Variants in HOGA1 observed in about 807,000 individuals in gnomAD.
HOGA1 encodes 4-hydroxy-2-oxoglutarate aldolase, mitochondrial.
In HOGA1, 30 loss-of-function variants were observed where a neutral mutation model predicts 34.3. The observed-to-expected ratio is 0.87, with a 90% CI of 0.65 to 1.19. HOGA1 has a LOEUF of 1.19. HOGA1 is among the 50% of genes most tolerant of loss of function. The probability of loss-of-function intolerance (pLI) is 0.00; values close to 1 mark genes in which losing one functional copy is unlikely to be tolerated. For missense variants in HOGA1, 417 were observed against 436.5 expected, an observed-to-expected ratio of 0.96 and a Z score of 0.40; for synonymous variants, 161 against 174.0, an observed-to-expected ratio of 0.93 and a Z score of 0.59.
At position 97,584,418 on chromosome 10, in the gene HOGA1, C is replaced by A. The variant is rs747571303; in HGVS notation, c.-286C>A. The A allele has an allele frequency of 2.6e-6, 1 of 386,962 alleles. No homozygotes were observed. 24.0% of individuals were successfully genotyped at this position (386,962 alleles called of 1,614,324 possible). A position where few individuals can be genotyped will look rare whatever the true frequency, so the allele number is the denominator to read the frequency against. On this transcript the variant is annotated 5_prime_UTR_variant, in exon 1 of 7. Transcript: ENST00000370646. Reference sequence around the variant, plus strand: ...CCCACTGGAGATACCGAAGGAGATACTCTTTAGTATTGGGATCCCAGAAAC... The same window carrying A: ...CCCACTGGAGATACCGAAGGAGATAATCTTTAGTATTGGGATCCCAGAAAC...
At chr10:97,609,398 T>A (rs911949922) in intron 6 of HOGA1, among the ~76,000 whole-genome samples, 1 of 152,054 alleles carries the variant, frequency 6.6e-6, no homozygotes, top group Non-Finnish European at 1.5e-5. Flanking sequence ...TGGGGAAGAG[T>A]GGATGCCTAG....
chr10:97,601,786 G>A, intron 5 of HOGA1, 71 bp from the exon 6 acceptor site: 1 of 1,583,790 alleles, frequency 6.3e-7, no homozygotes, highest in Admixed American at 1.7e-5. Flanking sequence ...CTGAAGAGGT[G>A]CTGGGACCAG....
intron 6 of HOGA1, chr10:97,602,697 CT>C: frequency 7.1e-6 from 5 of 706,742 alleles, no homozygotes; most frequent in Non-Finnish European, 8.7e-6. Flanking sequence ...TTCCTTCTTT[CT>C]TTTTTTAGAC....
Position 97,601,838 on chromosome 10 carries a change from T to C in HOGA1, c.701-19T>C, listed in dbSNP as rs779307369. The stretch of plus-strand genomic sequence containing the variant: ...AGGGGAGAGGCTCTGGCTGATGTTC[T>C]GCGTCTTACTTCGTGCAGGAGCTGT... On this transcript the variant is annotated intron_variant, in intron 5 of 6. Coordinates refer to ENST00000370646, the MANE Select transcript of HOGA1 (RefSeq NM_138413.4). The C allele has an allele frequency of 1.2e-6, 2 of 1,611,870 alleles. No homozygotes were observed. The highest frequency in any genetic ancestry group is 1.3e-5 in the African/African-American group (1 of 74,742).
intron 1 of HOGA1, chr10:97,589,794 T>C: frequency 1.2e-6 from 1 of 836,708 alleles, no homozygotes; most frequent in East Asian, 2.4e-5. Context: ...CTCTTAGCTC[T>C]GCCTGCCTGG....
At chr10:97,605,962 G>A (rs1297700397) in intron 6 of HOGA1, among the ~76,000 whole-genome samples, 1 of 151,642 alleles carries the variant, frequency 6.6e-6, no homozygotes, top group Non-Finnish European at 1.5e-5. Flanking sequence ...TTTCTTTTAC[G>A]GATCATGCTT....
chr10:97,593,397 A>C (rs888969256), intron 1 of HOGA1, among the ~76,000 whole-genome samples: 4 of 152,082 alleles, frequency 2.6e-5, no homozygotes, highest in Non-Finnish European at 4.4e-5. Context: ...GAATTGCTTG[A>C]ACCTGGGAGG....
At chr10:97,590,112 C>T (rs1219176916) in intron 1 of HOGA1, 44 of 1,614,152 alleles carry the variant, frequency 2.7e-5, no homozygotes, top group Admixed American at 3.3e-5. Flanking sequence ...GTCAGCTCCA[C>T]GGTTCACATA....
intron 6 of HOGA1, among the ~76,000 whole-genome samples, chr10:97,605,690 G>GAATTTCCC (rs2041151920): frequency 6.6e-6 from 1 of 152,088 alleles, no homozygotes; most frequent in African/African-American, 2.4e-5. Flanking sequence ...GATGGCTAAT[G>GAATTTCCC]CTATTGAACG....
chr10:97,607,311 CT>C (rs1444494521), intron 6 of HOGA1, among the ~76,000 whole-genome samples: 5 of 152,164 alleles, frequency 3.3e-5, no homozygotes, highest in African/African-American at 9.7e-5. Context: ...TTCCCTCCCC[CT>C]GGCCTGCTCT....
rs1455697097 is a variant in HOGA1, at chr10:97,599,817, G to A, written c.603+3G>A. 6.2e-7 allele frequency: 1 copy of A among 1,614,070 alleles called. No homozygotes were observed. The highest frequency in any genetic ancestry group is 1.3e-5 in the African/African-American group (1 of 74,928). ...GCATGAAGGACAGCGGTGGTGATGTGAGTGGCAGCAGCTCCGGGGCTGGGG... is the reference window on the plus strand; with the variant it reads ...GCATGAAGGACAGCGGTGGTGATGTAAGTGGCAGCAGCTCCGGGGCTGGGG... On this transcript the variant is annotated splice_donor_region_variant and intron_variant, in intron 4 of 6. Coordinates refer to ENST00000370646, the MANE Select transcript of HOGA1 (RefSeq NM_138413.4).
intron 1 of HOGA1, among the ~76,000 whole-genome samples, chr10:97,593,609 G>C (rs1366385377): frequency 6.6e-6 from 1 of 152,136 alleles, no homozygotes; most frequent in Non-Finnish European, 1.5e-5. Flanking sequence ...CCGCAGACCA[G>C]GGCAGAAAAA....
At chr10:97,602,513 A>G in intron 6 of HOGA1, 2 of 985,436 alleles carry the variant, frequency 2.0e-6, no homozygotes, top group Non-Finnish European at 2.4e-6. Flanking sequence ...AACTTCAGAG[A>G]GAACGCCCAT....
At chr10:97,599,300 T>A in intron 3 of HOGA1, 84 bp downstream of exon 3, 1 of 1,533,306 alleles carries the variant, frequency 6.5e-7, no homozygotes, top group Non-Finnish European at 9.0e-7. Context: ...GTGCTTCACA[T>A]GAACGGCAGC....
intron 6 of HOGA1, 144 bp downstream of exon 6, chr10:97,602,134 C>T: frequency 1.3e-6 from 2 of 1,549,534 alleles, no homozygotes; most frequent in Non-Finnish European, 8.7e-7. Context: ...AGTGTGGGAA[C>T]TCCTTGTGAC....
intron 1 of HOGA1, chr10:97,590,261 G>A (rs758539967): frequency 2.5e-6 from 4 of 1,613,708 alleles, no homozygotes; most frequent in East Asian, 2.2e-5. Flanking sequence ...CACTGATGAG[G>A]CCACGTGGGC....
In HOGA1 at chr10:97,584,683, T is replaced by C; in HGVS notation, c.-21T>C. On this transcript the variant is annotated 5_prime_UTR_variant, in exon 1 of 7. Transcript: ENST00000370646. ...CTCACTCTGGGACATAGACCAATTG[T>C]GCTTCAGGCCTCCTGCAGAGATGCT... The C allele has an allele frequency of 6.3e-7, 1 of 1,593,418 alleles. No homozygotes were observed. Among genetic ancestry groups the C allele is most frequent in the Non-Finnish European group, 8.6e-7 (1 of 1,164,870 alleles).
At chr10:97,606,111 C>A (rs1358657155) in intron 6 of HOGA1, among the ~76,000 whole-genome samples, 1 of 129,910 alleles carries the variant, frequency 7.7e-6, no homozygotes, top group Non-Finnish European at 1.6e-5. Flanking sequence ...GGTGAAACCC[C>A]GTCTCTACTA....
intron 4 of HOGA1, 126 bp from the exon 5 acceptor site, chr10:97,599,941 C>G: frequency 6.6e-7 from 1 of 1,519,884 alleles, no homozygotes; most frequent in East Asian, 2.3e-5. Flanking sequence ...CTCTGTCGTG[C>G]GGGCTCTCTG....
Sources: gnomAD v4.1 joint callset for allele counts (sites outside exome capture counted in the v4.1 genomes callset) on GRCh38, gnomAD v4.1.1 for gene constraint, MANE v1.5 for transcripts, NCBI Gene and HGNC (gene_info 2026-07-23, HGNC 2026-07-21) for gene names.